SAMD4A: variants seen among roughly 807,000 people sequenced by gnomAD.
SAMD4A encodes sterile alpha motif domain containing 4A.
Under a neutral mutation model 81.3 loss-of-function variants are expected in SAMD4A, and 33 were observed. The observed-to-expected ratio is 0.41, with a 90% CI of 0.31 to 0.54. The LOEUF (loss-of-function observed/expected upper bound fraction) is 0.54. SAMD4A is among the 20% of genes least tolerant of loss of function. SAMD4A has a pLI of 0.37. For synonymous variants in SAMD4A, 389 were observed against 382.1 expected (o/e 1.02, Z -0.21); for missense variants, 854 against 951.1 (o/e 0.90, Z 1.34).
intron 2 of SAMD4A, among the ~76,000 whole-genome samples, chr14:54,697,530 G>C (rs1037095700): frequency 2.0e-5 from 3 of 152,164 alleles, no homozygotes; most frequent in South Asian, 2.1e-4. Context: ...TTTGTGAGTG[G>C]ATAATCAGGA....
At chr14:54,685,903 G>A in intron 2 of SAMD4A, 1 of 455,482 alleles carries the variant, frequency 2.2e-6, no homozygotes, top group Non-Finnish European at 4.4e-6. Context: ...GAATTGGGAT[G>A]TTAAATTATC....
intron 2 of SAMD4A, among the ~76,000 whole-genome samples, chr14:54,568,691 A>T (rs1218250386): frequency 0.15 from 17 of 116 alleles, no homozygotes; most frequent in African/African-American, 0.28. Context: ...CATTTGCAGC[A>T]TATATATATA....
intron 2 of SAMD4A, among the ~76,000 whole-genome samples, chr14:54,634,548 G>A (rs936839426): frequency 1.3e-5 from 2 of 152,114 alleles, no homozygotes; most frequent in African/African-American, 4.8e-5. Context: ...GTTCACAATA[G>A]GGTCTGCGCT....
intron 9 of SAMD4A, among the ~76,000 whole-genome samples, chr14:54,773,025 CAAGACA>C (rs1314285250): frequency 6.6e-6 from 1 of 152,034 alleles, no homozygotes; most frequent in African/African-American, 2.4e-5. Context: ...GAAGAAAGGC[CAAGACA>C]AAGATACCAA....
In SAMD4A at chr14:54,621,516, A is replaced by T. The variant is rs780581476; in HGVS notation, c.196+53404A>T. Among the ~76,000 whole-genome samples, 759 of 141,760 alleles carry T rather than the reference A, an allele frequency of 5.4e-3. 3 individuals carry two copies. Among genetic ancestry groups the T allele is most frequent in the Admixed American group, 0.014 (204 of 14,158 alleles). 93.0% of individuals were successfully genotyped at this position (141,760 alleles called of 152,430 possible). A position where few individuals can be genotyped will look rare whatever the true frequency, so the allele number is the denominator to read the frequency against. On this transcript the variant is annotated intron_variant, in intron 2 of 12. Transcript: ENST00000554335. ...AGGCGGGCACCACCATGCCCAAATA[A>T]TTTTTTTTTTTTTTTTGGTATTTTT...
intron 2 of SAMD4A, among the ~76,000 whole-genome samples, chr14:54,597,416 A>G (rs1352025535): frequency 6.6e-6 from 1 of 151,780 alleles, no homozygotes; most frequent in Non-Finnish European, 1.5e-5. Context: ...CTGGGATTAC[A>G]GGCATGCGCC....
chr14:54,783,846 T>G (rs2039065724), intron 11 of SAMD4A, among the ~76,000 whole-genome samples: 1 of 152,208 alleles, frequency 6.6e-6, no homozygotes, highest in South Asian at 2.1e-4. Flanking sequence ...CCACTCTAGA[T>G]GCATGCCAGG....
At chr14:54,749,820 A>G (rs1369211533) in intron 5 of SAMD4A, among the ~76,000 whole-genome samples, 1 of 152,248 alleles carries the variant, frequency 6.6e-6, no homozygotes, top group South Asian at 2.1e-4. Context: ...TAGGCTAAGA[A>G]TATTTCCTTT....
chr14:54,787,849 C>G (rs1566641936), intron 12 of SAMD4A, among the ~76,000 whole-genome samples: 1 of 152,176 alleles, frequency 6.6e-6, no homozygotes, highest in Non-Finnish European at 1.5e-5. Flanking sequence ...AATTAAATCT[C>G]ATTACTCTAC....
At chr14:54,682,075 G>A (rs2036140596) in intron 2 of SAMD4A, 1 of 984,474 alleles carries the variant, frequency 1.0e-6, no homozygotes. Flanking sequence ...TTTCATTAGT[G>A]TGTGACTCAG....
chr14:54,645,841 T>G (rs1283512316), intron 2 of SAMD4A, among the ~76,000 whole-genome samples: 4 of 152,262 alleles, frequency 2.6e-5, no homozygotes, highest in Non-Finnish European at 4.4e-5. Context: ...GAAAAACATC[T>G]GAAGAGGGTT....
At chr14:54,590,229 C>G (rs942097866) in intron 2 of SAMD4A, among the ~76,000 whole-genome samples, 1 of 152,198 alleles carries the variant, frequency 6.6e-6, no homozygotes, top group Non-Finnish European at 1.5e-5. Flanking sequence ...TGGTTCACGC[C>G]TGTAACCCCA....
intron 2 of SAMD4A, chr14:54,694,292 C>T (rs1418753851): frequency 6.6e-6 from 1 of 152,544 alleles, no homozygotes; most frequent in Non-Finnish European, 1.5e-5. Context: ...TATGCAGAAA[C>T]ATGGTGAGGG....
At chr14:54,623,424 C>G (rs1430194369) in intron 2 of SAMD4A, among the ~76,000 whole-genome samples, 1 of 130,056 alleles carries the variant, frequency 7.7e-6, no homozygotes, top group African/African-American at 2.9e-5. Context: ...ACAGCTGAGT[C>G]TGTGAATATA....
intron 2 of SAMD4A, among the ~76,000 whole-genome samples, chr14:54,604,598 A>G (rs1036566926): frequency 2.6e-5 from 4 of 152,186 alleles, no homozygotes; most frequent in African/African-American, 9.7e-5. Flanking sequence ...ATGATCTTCA[A>G]TCTTTTGTAG....
chr14:54,606,183 C>CTCTGTGTGTG (rs71446498), intron 2 of SAMD4A, among the ~76,000 whole-genome samples: 1 of 146,570 alleles, frequency 6.8e-6, no homozygotes, highest in African/African-American at 2.6e-5. Flanking sequence ...TACTTCTGGG[C>CTCTGTGTGTG]TGTGTGTGTG....
At chr14:54,632,419 C>T (rs1024029735) in intron 2 of SAMD4A, among the ~76,000 whole-genome samples, 21 of 152,184 alleles carry the variant, frequency 1.4e-4, no homozygotes, top group African/African-American at 4.6e-4. Flanking sequence ...GCCCTGGCCA[C>T]CTATAGTTTC....
At chr14:54,593,743 A>G (rs2033842847) in intron 2 of SAMD4A, among the ~76,000 whole-genome samples, 1 of 152,314 alleles carries the variant, frequency 6.6e-6, no homozygotes, top group South Asian at 2.1e-4. Flanking sequence ...ATTTAAATGT[A>G]TATTTTGATA....
intron 2 of SAMD4A, among the ~76,000 whole-genome samples, chr14:54,649,490 G>A (rs1250151317): frequency 1.3e-5 from 2 of 152,188 alleles, no homozygotes; most frequent in Admixed American, 6.5e-5. Flanking sequence ...CACACTTAGA[G>A]GCTTTGGGAA....
Sources: gnomAD v4.1 joint callset for allele counts (sites outside exome capture counted in the v4.1 genomes callset) on GRCh38, gnomAD v4.1.1 for gene constraint, MANE v1.5 for transcripts, NCBI Gene and HGNC (gene_info 2026-07-23, HGNC 2026-07-21) for gene names.